The following CDCA7L variants were observed in gnomAD, a reference collection of about 807,000 sequenced individuals.
The protein encoded by CDCA7L is cell division cycle-associated 7-like protein.
A neutral mutation model predicts 57.4 loss-of-function variants in CDCA7L; 44 were observed. The ratio of observed to expected loss-of-function variants is 0.77; its 90% CI spans 0.60 to 0.98. The LOEUF (loss-of-function observed/expected upper bound fraction) is 0.98. Ranked by LOEUF, CDCA7L falls within the 50% of genes least tolerant of loss-of-function variation. The probability of loss-of-function intolerance (pLI) is 0.00; values close to 1 mark genes in which losing one functional copy is unlikely to be tolerated. For missense variants in CDCA7L, 644 were observed against 580.6 expected (o/e 1.11, Z -1.12); for synonymous variants, 236 against 202.8 (o/e 1.16, Z -1.39).
chr7:21,908,634 T>G (rs1029355987), intron 3 of CDCA7L, 127 bp from the exon 4 acceptor site: 21 of 1,030,496 alleles, frequency 2.0e-5, no homozygotes, highest in Non-Finnish European at 2.7e-5. Context: ...CCCTTCATAT[T>G]ATGAGTTCCC....
At chr7:21,929,652 A>AAAAAC (rs1785944514) in intron 1 of CDCA7L, among the ~76,000 whole-genome samples, 1 of 146,948 alleles carries the variant, frequency 6.8e-6, no homozygotes, top group African/African-American at 2.5e-5. Context: ...AAAAAAAAAA[A>AAAAAC]AAAAGCAGGG....
intron 1 of CDCA7L, chr7:21,944,996 GCTTA>G (rs986999355): frequency 1.3e-4 from 19 of 151,690 alleles, no homozygotes; most frequent in Admixed American, 1.1e-3. Flanking sequence ...TGTTTTTATT[GCTTA>G]CTTCTAAGTA....
rs2128054158 is a variant in CDCA7L at position 21,901,631 on chromosome 7, G to A, written c.*691C>T. The stretch of plus-strand genomic sequence containing the variant: ...TGAACATGCAAAAGCAATGCAGCCG[G>A]AAAGAACGGAGATTTTAATTTTTAA... On this transcript the variant is annotated 3_prime_UTR_variant, in exon 10 of 10. Transcript: ENST00000406877. 6.3e-6 allele frequency: 1 copy of A among 159,752 alleles called. No individual in the cohort carries two copies. Among genetic ancestry groups the A allele is most frequent in the East Asian group, 1.8e-4 (1 of 5,466 alleles). The allele number at this position is 159,752 out of a possible 1,614,324, so 9.9% of individuals were successfully genotyped here. A position where few individuals can be genotyped will look rare whatever the true frequency, so the allele number is the denominator to read the frequency against.
intron 1 of CDCA7L, among the ~76,000 whole-genome samples, chr7:21,941,853 T>A (rs1390759106): frequency 1.3e-5 from 2 of 152,150 alleles, no homozygotes; most frequent in Non-Finnish European, 2.9e-5. Flanking sequence ...CAGCATGACT[T>A]TTAAAAGGAA....
At position 21,902,566 on chromosome 7, in the gene CDCA7L, G is replaced by A. The variant is rs186049811; in HGVS notation, c.1335-214C>T. On this transcript the variant is annotated intron_variant, in intron 9 of 9. Coordinates refer to ENST00000406877, the MANE Select transcript of CDCA7L (RefSeq NM_018719.5). ...CCTCACTCCCGCATTCCAGAACCAC[G>A]ATTCAGAGTTTATTAATTACATAAA... 143 of 550,072 alleles carry A rather than the reference G, an allele frequency of 2.6e-4. No individual in the cohort carries two copies. The African/African-American group carries it at 2.7e-3, about 11-fold the overall frequency. The allele number at this position is 550,072 out of a possible 1,614,324, so 34.1% of individuals were successfully genotyped here. A position where few individuals can be genotyped will look rare whatever the true frequency, so the allele number is the denominator to read the frequency against.
Position 21,901,058 on chromosome 7 carries a change from A to T in CDCA7L, c.*1264T>A, listed in dbSNP as rs756077441. The stretch of plus-strand genomic sequence containing the variant: ...ACCATTGTTGAAGCCCGTCTCAAGG[A>T]GCTGGCATGCCCTATGCCGGTCATC... On this transcript the variant is annotated 3_prime_UTR_variant, in exon 10 of 10. Coordinates refer to ENST00000406877, the MANE Select transcript of CDCA7L (RefSeq NM_018719.5). 5.0e-6 allele frequency: 8 copies of T among 1,613,696 alleles called. No homozygotes were observed. The Middle Eastern group carries it at 1.2e-3, about 233-fold the overall frequency.
At position 21,908,130 on chromosome 7, in the gene CDCA7L, C is replaced by T. The variant is rs1583845151; in HGVS notation, c.681G>A (p.Met227Ile). The change falls in exon 4 of 10, where the codon ATG becomes ATA. Residue 227 changes from methionine (M) to isoleucine (I), a missense_variant and splice_region_variant. Coordinates refer to ENST00000406877, the MANE Select transcript of CDCA7L (RefSeq NM_018719.5). Reference protein sequence around the residue: ...RTMNIKENKAMLAQLLAELNS... With the variant: ...RTMNIKENKAILAQLLAELNS... ...CAGGACGCCCTCCGTGAAGCCTCAC[C>T]ATGGCTTTGTTCTCCTTGATGTTCA... 2.0e-6 allele frequency: 3 copies of T among 1,531,896 alleles called. No individual in the cohort carries two copies. The East Asian group carries it at 6.9e-5, about 35-fold the overall frequency. 94.9% of individuals were successfully genotyped at this position (1,531,896 alleles called of 1,614,324 possible).
At position 21,911,740 on chromosome 7, in the gene CDCA7L, A is replaced by C; in HGVS notation, c.180T>G (p.Phe60Leu). 6.2e-7 allele frequency: 1 copy of C among 1,612,812 alleles called. No individual in the cohort carries two copies. The highest frequency in any genetic ancestry group is 8.5e-7 in the Non-Finnish European group (1 of 1,179,732). The change falls in exon 3 of 10, where the codon TTT becomes TTG. Residue 60 changes from phenylalanine (F) to leucine (L), a missense_variant. By Grantham distance (22) the Phe-to-Leu change is conservative (BLOSUM62 0). Coordinates refer to ENST00000406877, the MANE Select transcript of CDCA7L (RefSeq NM_018719.5). Reference protein sequence around the residue: ...LESGKQQDVRFHSKYFTEELR... With the variant: ...LESGKQQDVRLHSKYFTEELR... ...GCTCTTCTGTGAAGTATTTGGAATG[A>C]AAGCGCACATCCTGCTAAATTAAAG...
In CDCA7L at chr7:21,901,554, A is replaced by ACAAGACTCCATCTC. The variant is rs1398387519; in HGVS notation, c.*754_*767dup. The ACAAGACTCCATCTC allele has an allele frequency of 4.4e-6, 1 of 227,130 alleles. No individual in the cohort carries two copies. Among genetic ancestry groups the ACAAGACTCCATCTC allele is most frequent in the African/African-American group, 2.3e-5 (1 of 44,306 alleles). 14.1% of individuals were successfully genotyped at this position (227,130 alleles called of 1,614,324 possible). On this transcript the variant is annotated 3_prime_UTR_variant, in exon 10 of 10. Transcript: ENST00000406877. ...ACTGCACTCCCTCCTGGGCAACAGA[A>ACAAGACTCCATCTC]CAAGACTCCATCTCAAAAAAAAAAA...
At chr7:21,933,707 C>T (rs1258849912) in intron 1 of CDCA7L, among the ~76,000 whole-genome samples, 1 of 151,814 alleles carries the variant, frequency 6.6e-6, no homozygotes, top group Non-Finnish European at 1.5e-5. Flanking sequence ...ATGTAGACGA[C>T]GGGTTAATGG....
chr7:21,902,692 C>T, intron 9 of CDCA7L: 1 of 470,784 alleles, frequency 2.1e-6, no homozygotes, highest in Non-Finnish European at 3.8e-6. Flanking sequence ...CCTCAGCCTG[C>T]CTTGTTTGTT....
chr7:21,901,012 C>G lies in CDCA7L; in HGVS notation c.*1310G>C. The stretch of plus-strand genomic sequence containing the variant: ...CCGCTGTGTTTTTGCCATAGGCGCC[C>G]GCTGGGACACCCAAGCAGGAACCAT... On this transcript the variant is annotated 3_prime_UTR_variant, in exon 10 of 10. Transcript: ENST00000406877. 1 of 1,591,692 alleles carries G rather than the reference C, an allele frequency of 6.3e-7. No individual in the cohort carries two copies. Among genetic ancestry groups the G allele is most frequent in the South Asian group, 1.1e-5 (1 of 87,582 alleles).
At chr7:21,906,066 G>A (rs1785127906) in intron 6 of CDCA7L, among the ~76,000 whole-genome samples, 1 of 151,810 alleles carries the variant, frequency 6.6e-6, no homozygotes, top group South Asian at 2.1e-4. Flanking sequence ...GCTCGGCTTG[G>A]ATAAAAGACT....
chr7:21,901,331 C>CTGAAGAGCGAAG lies in CDCA7L; in HGVS notation c.*990_*991insCTTCGCTCTTCA. 1 of 1,423,256 alleles carries CTGAAGAGCGAAG rather than the reference C, an allele frequency of 7.0e-7. No individual in the cohort carries two copies. The highest frequency in any genetic ancestry group is 9.3e-7 in the Non-Finnish European group (1 of 1,079,122). The allele number at this position is 1,423,256 out of a possible 1,614,324, so 88.2% of individuals were successfully genotyped here. On this transcript the variant is annotated 3_prime_UTR_variant, in exon 10 of 10. Transcript: ENST00000406877. ...AGCATGTTGCTGCACTGTTCCCATG[C>CTGAAGAGCGAAG]ACATTATTCTAACTTTTTAGTAACT...
rs541856199 is a variant in CDCA7L at position 21,903,485 on chromosome 7, TATTGTTGA to T, written c.1198-379_1198-372del. Among the ~76,000 whole-genome samples the T allele has an allele frequency of 6.6e-5, 10 of 152,218 alleles. No homozygotes were observed. The South Asian group carries it at 2.1e-3, about 32-fold the overall frequency. ...AATTTCAGCCCTTTCAATGTGTGCT[TATTGTTGA>T]ATGACTAACCTGAGCAGCAGTTTGT... On this transcript the variant is annotated intron_variant, in intron 8 of 9. Transcript: ENST00000406877.
intron 9 of CDCA7L, 157 bp downstream of exon 9, chr7:21,902,821 A>AGCTTT: frequency 1.5e-6 from 1 of 663,224 alleles, no homozygotes; most frequent in Non-Finnish European, 2.5e-6. Context: ...ATCAGGCCTG[A>AGCTTT]GCTTTTCCAA....
chr7:21,903,128 G>A lies in CDCA7L; in HGVS notation c.1198-14C>T. 6.2e-7 allele frequency: 1 copy of A among 1,610,832 alleles called. No individual in the cohort carries two copies. Among genetic ancestry groups the A allele is most frequent in the Non-Finnish European group, 8.5e-7 (1 of 1,178,768 alleles). On this transcript the variant is annotated splice_polypyrimidine_tract_variant and intron_variant, in intron 8 of 9. Transcript: ENST00000406877. ...ACACACCCAATCCTAACAGAGAGATGACAGCAGACACTTCGCTCATTATCT... is the reference window on the plus strand; with the variant it reads ...ACACACCCAATCCTAACAGAGAGATAACAGCAGACACTTCGCTCATTATCT...
At chr7:21,920,792 C>G (rs1388827545) in intron 1 of CDCA7L, among the ~76,000 whole-genome samples, 2 of 152,162 alleles carry the variant, frequency 1.3e-5, no homozygotes, top group Non-Finnish European at 2.9e-5. Flanking sequence ...AGGAAAACAC[C>G]CAGACTAGAG....
At chr7:21,912,895 C>T (rs975582108) in intron 2 of CDCA7L, among the ~76,000 whole-genome samples, 2 of 152,184 alleles carry the variant, frequency 1.3e-5, no homozygotes, top group East Asian at 3.9e-4. Flanking sequence ...GGAAACCCAA[C>T]TCTCTTAATA....
Sources: allele counts gnomAD v4.1 joint callset (sites outside exome capture counted in the v4.1 genomes callset), GRCh38; gene constraint gnomAD v4.1.1; transcripts MANE v1.5; gene names NCBI Gene and HGNC (gene_info 2026-07-23, HGNC 2026-07-21).